TMEM87B: variants seen among roughly 807,000 people sequenced by gnomAD.
TMEM87B encodes transmembrane protein 87B.
A neutral mutation model predicts 80.3 loss-of-function variants in TMEM87B; 83 were observed. The ratio of observed to expected loss-of-function variants is 1.03; its 90% CI spans 0.87 to 1.24. The LOEUF is 1.24. TMEM87B is among the 50% of genes most tolerant of loss of function. TMEM87B has a pLI of 0.00. For missense variants in TMEM87B, 625 were observed against 674.4 expected (o/e 0.93, Z 0.81); for synonymous variants, 219 against 230.5 (o/e 0.95, Z 0.45).
chr2:112,060,156 G>A (rs1279223329), intron 2 of TMEM87B, 119 bp downstream of exon 2: 13 of 1,163,752 alleles, frequency 1.1e-5, no homozygotes, highest in Non-Finnish European at 1.2e-5. Context: ...GACGAGCCTG[G>A]CCAACATAGT....
At chr2:112,067,442 T>TA (rs1287252825) in intron 4 of TMEM87B, among the ~76,000 whole-genome samples, 1 of 151,842 alleles carries the variant, frequency 6.6e-6, no homozygotes, top group Admixed American at 6.6e-5. Context: ...CTACTAAAAA[T>TA]AAAAAAATTA....
intron 17 of TMEM87B, among the ~76,000 whole-genome samples, chr2:112,110,639 TG>T (rs1679885238): frequency 6.6e-6 from 1 of 152,158 alleles, no homozygotes; most frequent in African/African-American, 2.4e-5. Context: ...GCGCATGAAT[TG>T]TAGTTTCTTT....
At position 112,059,684 on chromosome 2, in the gene TMEM87B, T is replaced by C. The variant is rs185088763; in HGVS notation, c.166-293T>C. 1.8e-4 allele frequency among the ~76,000 whole-genome samples: 27 copies of C among 152,332 alleles called. No homozygotes were observed. The East Asian group carries it at 5.2e-3, about 29-fold the overall frequency. ...GCAACATGCAAATGCAGTCAGTTCA[T>C]GTCACGTCTGAGCAGCACTAATCCT... On this transcript the variant is annotated intron_variant, in intron 1 of 18. Coordinates refer to ENST00000283206, the MANE Select transcript of TMEM87B (RefSeq NM_032824.3).
chr2:112,100,755 C>T, intron 15 of TMEM87B, 60 bp downstream of exon 15: 5 of 1,115,422 alleles, frequency 4.5e-6, no homozygotes, highest in Non-Finnish European at 6.6e-6. Flanking sequence ...AAATATTGTA[C>T]CTTTACCCGT....
intron 2 of TMEM87B, among the ~76,000 whole-genome samples, chr2:112,062,588 C>G (rs1480217961): frequency 6.6e-6 from 1 of 152,208 alleles, no homozygotes; most frequent in African/African-American, 2.4e-5. Flanking sequence ...TCCAAGCAGG[C>G]TTTTTGTTTG....
At chr2:112,103,155 A>G (rs751903130) in intron 15 of TMEM87B, among the ~76,000 whole-genome samples, 15 of 152,248 alleles carry the variant, frequency 9.9e-5, no homozygotes, top group African/African-American at 3.1e-4. Flanking sequence ...TTGTTTTTCT[A>G]CATATTAACT....
chr2:112,103,075 A>G (rs1273987791), intron 15 of TMEM87B, among the ~76,000 whole-genome samples: 2 of 152,218 alleles, frequency 1.3e-5, no homozygotes, highest in East Asian at 3.8e-4. Flanking sequence ...AGTCTAAAGA[A>G]AAGAAAAAGT....
chr2:112,096,944 G>C (rs1679485764), intron 11 of TMEM87B, 100 bp from the exon 12 acceptor site: 3 of 776,974 alleles, frequency 3.9e-6, no homozygotes, highest in East Asian at 5.1e-5. Context: ...TTTAGGAACT[G>C]TATTTAGCAG....
intron 3 of TMEM87B, 122 bp from the exon 4 acceptor site, chr2:112,066,814 G>T: frequency 1.2e-6 from 1 of 834,068 alleles, no homozygotes; most frequent in Non-Finnish European, 1.8e-6. Flanking sequence ...TTATTCTATT[G>T]CGTATTTCCA....
chr2:112,076,931 G>A (rs1373625642), intron 5 of TMEM87B, among the ~76,000 whole-genome samples: 1 of 148,090 alleles, frequency 6.8e-6, no homozygotes, highest in Non-Finnish European at 1.5e-5. Flanking sequence ...ACTGGACATA[G>A]TGGCTCACAT....
At chr2:112,089,878 A>G (rs922557593) in intron 10 of TMEM87B, among the ~76,000 whole-genome samples, 160 bp downstream of exon 10, 9 of 152,222 alleles carry the variant, frequency 5.9e-5, no homozygotes, top group Non-Finnish European at 5.9e-5. Flanking sequence ...ACTTCCTGAA[A>G]GGCAAAGGCT....
chr2:112,093,684 A>G (rs1679372685), intron 11 of TMEM87B, among the ~76,000 whole-genome samples: 1 of 152,302 alleles, frequency 6.6e-6, no homozygotes, highest in Admixed American at 6.5e-5. Flanking sequence ...TGTCATTTTC[A>G]TATTTTCTAT....
At position 112,081,112 on chromosome 2, in the gene TMEM87B, A is replaced by T; in HGVS notation, c.648A>T (p.Leu216=). The change falls in exon 7 of 19, where the codon CTA becomes CTT. Residue 216 remains leucine, a synonymous_variant. Coordinates refer to ENST00000283206, the MANE Select transcript of TMEM87B (RefSeq NM_032824.3). The part of the protein sequence containing the change: ...HGYISASDWP[L]MIFYMVMCIV... The stretch of plus-strand genomic sequence containing the variant: ...ATATCTCTGCATCAGATTGGCCCCT[A>T]ATGATTGTGAGTATTTCTCATCATT... 6.8e-6 allele frequency: 11 copies of T among 1,612,582 alleles called. No individual in the cohort carries two copies. The highest frequency in any genetic ancestry group is 8.5e-6 in the Non-Finnish European group (10 of 1,179,640).
In TMEM87B at chr2:112,081,482, A is replaced by C. The variant is rs757107316; in HGVS notation, c.802A>C (p.Ser268Arg). 1 of 1,612,536 alleles carries C rather than the reference A, an allele frequency of 6.2e-7. No individual in the cohort carries two copies. Among genetic ancestry groups the C allele is most frequent in the South Asian group, 1.1e-5 (1 of 90,816 alleles). ...AATGCTTGAAAAAGCAGTTTTTTAT[A>C]GTGAATACCAAAACATCAGCAACAC... ...LGMLEKAVFY[S>R]EYQNISNTGL... Residue 268 changes from serine (S) to arginine (R), a missense_variant, in exon 8 of 19, where the codon AGT becomes CGT. Coordinates refer to ENST00000283206, the MANE Select transcript of TMEM87B (RefSeq NM_032824.3).
chr2:112,055,877 T>G, intron 1 of TMEM87B, 121 bp downstream of exon 1: 1 of 1,242,968 alleles, frequency 8.0e-7, no homozygotes, highest in Non-Finnish European at 1.1e-6. Context: ...GGTCCCCTGA[T>G]ACCCTCCCTG....
chr2:112,066,220 C>T (rs1678431904), intron 3 of TMEM87B, among the ~76,000 whole-genome samples: 1 of 152,188 alleles, frequency 6.6e-6, no homozygotes, highest in South Asian at 2.1e-4. Context: ...TAGTTCCATA[C>T]TTTCTTCTTC....
intron 8 of TMEM87B, among the ~76,000 whole-genome samples, chr2:112,083,902 C>A (rs1679070242): frequency 6.6e-6 from 1 of 152,074 alleles, no homozygotes; most frequent in African/African-American, 2.4e-5. Flanking sequence ...TTAGATAGAC[C>A]CTTTTCACTT....
chr2:112,090,554 G>A (rs569887101), intron 10 of TMEM87B, among the ~76,000 whole-genome samples: 2 of 152,096 alleles, frequency 1.3e-5, no homozygotes, highest in South Asian at 4.1e-4. Flanking sequence ...AGCCTCCCGA[G>A]TAGCTGGGAC....
At chr2:112,089,788 T>C in intron 10 of TMEM87B, 70 bp downstream of exon 10, 1 of 1,414,014 alleles carries the variant, frequency 7.1e-7, no homozygotes, top group Non-Finnish European at 9.9e-7. Context: ...TTGTATCTCC[T>C]GAGATGAATT....
Sources: gnomAD v4.1 joint callset for allele counts (sites outside exome capture counted in the v4.1 genomes callset) on GRCh38, gnomAD v4.1.1 for gene constraint, MANE v1.5 for transcripts, NCBI Gene and HGNC (gene_info 2026-07-23, HGNC 2026-07-21) for gene names.